Variants in DGLUCY observed in about 807,000 individuals in gnomAD.
The protein encoded by DGLUCY is D-glutamate cyclase, mitochondrial.
A neutral mutation model predicts 58.5 loss-of-function variants in DGLUCY; 58 were observed. The ratio of observed to expected loss-of-function variants is 0.99; its 90% CI spans 0.80 to 1.23. DGLUCY has a LOEUF of 1.23. DGLUCY is among the 50% of genes most tolerant of loss of function. The pLI, the probability that DGLUCY is intolerant of heterozygous loss-of-function variation, is 0.00. For synonymous variants in DGLUCY, 325 were observed against 314.1 expected (o/e 1.03, Z -0.37); for missense variants, 779 against 784.7 (o/e 0.99, Z 0.09).
At chr14:91,106,346 A>G (rs1367706059), upstream of DGLUCY, among the ~76,000 whole-genome samples, 1 of 151,610 alleles carries the variant, frequency 6.6e-6, no homozygotes, top group Non-Finnish European at 1.5e-5. Context: ...ACTGTTGTAT[A>G]TACAGTCTGT....
intron 1 of DGLUCY, among the ~76,000 whole-genome samples, chr14:91,135,454 A>C (rs1292186740): frequency 6.6e-6 from 1 of 152,130 alleles, no homozygotes; most frequent in Non-Finnish European, 1.5e-5. Flanking sequence ...GTTTGAGGCC[A>C]GCCTGGCCAA....
chr14:91,173,244 C>T (rs1470425863), intron 5 of DGLUCY, 45 bp from the exon 6 acceptor site: 3 of 1,609,566 alleles, frequency 1.9e-6, no homozygotes, highest in Non-Finnish European at 2.5e-6. Context: ...TGTGCTAATT[C>T]CATTTTTTAA....
intron 12 of DGLUCY, among the ~76,000 whole-genome samples, chr14:91,212,759 T>C (rs926287415): frequency 2.6e-5 from 4 of 151,274 alleles, no homozygotes; most frequent in African/African-American, 9.7e-5. Flanking sequence ...TCCCAGCACT[T>C]TGGGAAGCTG....
At chr14:91,218,713 A>AT (rs113283733) in intron 13 of DGLUCY, among the ~76,000 whole-genome samples, 28 of 151,944 alleles carry the variant, frequency 1.8e-4, no homozygotes, top group Admixed American at 4.6e-4. Context: ...TAAAATGGGG[A>AT]TTTTTTAAAA....
intron 12 of DGLUCY, among the ~76,000 whole-genome samples, chr14:91,206,675 G>A (rs920823261): frequency 3.3e-5 from 5 of 152,196 alleles, no homozygotes; most frequent in African/African-American, 7.2e-5. Context: ...GAGCCACTGC[G>A]CCTGGCCCAG....
At chr14:91,204,906 T>C in intron 12 of DGLUCY, 81 bp downstream of exon 12, 7 of 1,584,740 alleles carry the variant, frequency 4.4e-6, no homozygotes, top group Non-Finnish European at 6.0e-6. Flanking sequence ...GGCCAGAAGC[T>C]CTTCTTCTCT....
At position 91,156,092 on chromosome 14, in the gene DGLUCY, T is replaced by A. The variant is rs547947390; in HGVS notation, c.-81-1547T>A. Among the ~76,000 whole-genome samples the A allele has an allele frequency of 1.4e-4, 21 of 152,142 alleles. 1 individual carries two copies. In the South Asian group the frequency reaches 4.4e-3, roughly 32 times the overall value. On this transcript the variant is annotated intron_variant, in intron 1 of 13. Transcript: ENST00000256324. The stretch of plus-strand genomic sequence containing the variant: ...TGCATCATTGGGAGATTATTTCAGA[T>A]AAGGTGTGTAGGGTAGCCTCATTCT...
At chr14:91,216,218 G>C in intron 13 of DGLUCY, 1 of 12,696 alleles carries the variant, frequency 7.9e-5, no homozygotes, top group Non-Finnish European at 1.5e-4. Context: ...GAGGGCTTCA[G>C]ACCGCAGGCC....
At chr14:91,105,655 ATTC>A (rs1350907256), upstream of DGLUCY, among the ~76,000 whole-genome samples, 23 of 152,216 alleles carry the variant, frequency 1.5e-4, no homozygotes, top group African/African-American at 5.3e-4. Flanking sequence ...TATGAAACTC[ATTC>A]TTCAGAGACA....
At chr14:91,136,821 T>G (rs1018328580) in intron 1 of DGLUCY, among the ~76,000 whole-genome samples, 18 of 151,588 alleles carry the variant, frequency 1.2e-4, no homozygotes, top group African/African-American at 4.1e-4. Context: ...AATACAAAAT[T>G]AGTCAGGCGT....
chr14:91,176,620 G>C (rs2048868633), intron 7 of DGLUCY, among the ~76,000 whole-genome samples: 1 of 152,120 alleles, frequency 6.6e-6, no homozygotes. Flanking sequence ...GTTTTGTTGA[G>C]ACACAGTCTC....
chr14:91,060,361 A>T (rs2043609210), exon 1 of DGLUCY: 22 of 1,494,624 alleles, frequency 1.5e-5, no homozygotes, highest in Non-Finnish European at 2.0e-5. Context: ...GACAGTGAGG[A>T]GCTGCTCTCC....
upstream of DGLUCY, among the ~76,000 whole-genome samples, chr14:91,110,430 C>CTTTTTTT (rs10711938): frequency 3.4e-5 from 3 of 88,036 alleles, no homozygotes; most frequent in Non-Finnish European, 2.3e-5. Flanking sequence ...TTCTTTCTTT[C>CTTTTTTT]TTTTTTTTTT....
At chr14:91,116,034 C>T (rs2044921546) in intron 1 of DGLUCY, among the ~76,000 whole-genome samples, 1 of 152,162 alleles carries the variant, frequency 6.6e-6, no homozygotes, top group Non-Finnish European at 1.5e-5. Flanking sequence ...TCCAAGTGCA[C>T]AGGTATATGC....
chr14:91,179,110 G>C (rs946969595), intron 7 of DGLUCY, among the ~76,000 whole-genome samples: 1 of 152,154 alleles, frequency 6.6e-6, no homozygotes, highest in African/African-American at 2.4e-5. Context: ...CCTATTATGC[G>C]CAAGGCCCTC....
chr14:91,144,683 G>A (rs924419928), intron 1 of DGLUCY, among the ~76,000 whole-genome samples: 2 of 152,172 alleles, frequency 1.3e-5, no homozygotes, highest in African/African-American at 4.8e-5. Flanking sequence ...CTCTGTCCTT[G>A]GAAGCACATG....
chr14:91,076,206 T>G (rs1277231361), intron 1 of DGLUCY, among the ~76,000 whole-genome samples: 1 of 151,998 alleles, frequency 6.6e-6, no homozygotes, highest in African/African-American at 2.4e-5. Flanking sequence ...ACAGTCTCCC[T>G]CAGTATCTGT....
chr14:91,063,250 C>CTT (rs780078383), intron 1 of DGLUCY, among the ~76,000 whole-genome samples: 4 of 142,380 alleles, frequency 2.8e-5, no homozygotes, highest in African/African-American at 5.1e-5. Context: ...CACAGGAAGA[C>CTT]TTTTTTTTTT....
intron 1 of DGLUCY, among the ~76,000 whole-genome samples, chr14:91,069,799 C>CTTTTTTTTTT (rs5810528): frequency 8.3e-6 from 1 of 121,038 alleles, no homozygotes; most frequent in Non-Finnish European, 1.7e-5. Flanking sequence ...TGATATGCCT[C>CTTTTTTTTTT]TTTTTTTTTT....
Sources: allele counts gnomAD v4.1 joint callset (sites outside exome capture counted in the v4.1 genomes callset), GRCh38; gene constraint gnomAD v4.1.1; transcripts MANE v1.5; gene names NCBI Gene and HGNC (gene_info 2026-07-23, HGNC 2026-07-21).